The following NME1 variants were observed in gnomAD, a reference collection of about 807,000 sequenced individuals.
NME1 encodes nucleoside diphosphate kinase A.
A neutral mutation model predicts 17.2 loss-of-function variants in NME1; 9 were observed. The ratio of observed to expected loss-of-function variants is 0.52; its 90% CI spans 0.32 to 0.92. The LOEUF (loss-of-function observed/expected upper bound fraction) is 0.92, where lower values mean the gene tolerates loss of function less well. NME1 is among the 40% of genes least tolerant of loss of function. The pLI is 0.04. For missense variants in NME1, 169 were observed against 201.7 expected, an observed-to-expected ratio of 0.84 and a Z score of 0.98; for synonymous variants, 72 against 70.8, an observed-to-expected ratio of 1.02 and a Z score of -0.09.
chr17:51,156,124 A>AT lies in NME1; in HGVS notation c.126+351dup, dbSNP rs145046586. Reference sequence around the variant, plus strand: ...TTCCTGAGCAGATAATTTTAGAGAGATTTTTTTCCCCCTTTGAGACAGGTT... The same window carrying AT: ...TTCCTGAGCAGATAATTTTAGAGAGATTTTTTTTCCCCCTTTGAGACAGGTT... On this transcript the variant is annotated intron_variant, in intron 2 of 4. Coordinates refer to ENST00000393196, the MANE Select transcript of NME1 (RefSeq NM_000269.3). 1,918 of 331,350 alleles carry AT rather than the reference A, an allele frequency of 5.8e-3. 40 individuals are homozygous for AT. The highest frequency in any genetic ancestry group is 0.038 in the African/African-American group (1,787 of 46,518). 20.5% of individuals were successfully genotyped at this position (331,350 alleles called of 1,614,324 possible). A position where few individuals can be genotyped will look rare whatever the true frequency, so the allele number is the denominator to read the frequency against.
intron 1 of NME1, chr17:51,154,152 T>G: frequency 1.8e-6 from 1 of 547,862 alleles, no homozygotes; most frequent in South Asian, 2.1e-5. Flanking sequence ...GGGCTTTGTC[T>G]CTCTCTCTTT....
At chr17:51,156,076 T>A in intron 2 of NME1, 1 of 369,408 alleles carries the variant, frequency 2.7e-6, no homozygotes, top group Non-Finnish European at 5.2e-6. Flanking sequence ...GAGCTGAGCA[T>A]GTTTGAGTTC....
intron 2 of NME1, among the ~76,000 whole-genome samples, chr17:51,157,003 C>CAAA (rs36025797): frequency 7.1e-6 from 1 of 140,504 alleles, no homozygotes. Flanking sequence ...GACTCTGTCT[C>CAAA]AAAAAAAAAA....
chr17:51,160,329 G>A (rs1397071621), intron 3 of NME1: 1 of 572,426 alleles, frequency 1.7e-6, no homozygotes, highest in Non-Finnish European at 3.2e-6. Context: ...ATGACAAGAA[G>A]CAGCGATCTG....
In NME1 at chr17:51,159,962, C is replaced by T. The variant is rs773293682; in HGVS notation, c.127-18C>T. 6.2e-6 allele frequency: 10 copies of T among 1,613,706 alleles called. No individual in the cohort carries two copies. In the South Asian group the frequency reaches 1.1e-4, roughly 18 times the overall value. On this transcript the variant is annotated intron_variant, in intron 2 of 4. Transcript: ENST00000393196. ...AGATGGTTTGGGGGTTATTCTCATT[C>T]TCTGTCCTGTTGAATAGGCTTCCGA... is the stretch of plus-strand genomic sequence containing the variant.
At position 51,162,090 on chromosome 17, in the gene NME1, T is replaced by G; in HGVS notation, c.*245T>G. ...TGTTGCATTGCTTTTTTTTCCTTCT[T>G]TTCATGTACACTGAATAACCTGACC... On this transcript the variant is annotated 3_prime_UTR_variant, in exon 5 of 5. Transcript: ENST00000393196. The G allele has an allele frequency of 2.1e-6, 1 of 466,884 alleles. No homozygotes were observed. The highest frequency in any genetic ancestry group is 3.9e-6 in the Non-Finnish European group (1 of 254,054). 28.9% of individuals were successfully genotyped at this position (466,884 alleles called of 1,614,324 possible). A position where few individuals can be genotyped will look rare whatever the true frequency, so the allele number is the denominator to read the frequency against.
chr17:51,156,994 ACT>A (rs1427097450), intron 2 of NME1, among the ~76,000 whole-genome samples: 3 of 133,972 alleles, frequency 2.2e-5, no homozygotes, highest in East Asian at 2.1e-4. Context: ...AGGGAGGGAG[ACT>A]CTGTCTCAAA....
intron 2 of NME1, among the ~76,000 whole-genome samples, chr17:51,156,995 C>T (rs1463521286): frequency 1.5e-5 from 2 of 131,884 alleles, no homozygotes; most frequent in African/African-American, 5.5e-5. Flanking sequence ...GGGAGGGAGA[C>T]TCTGTCTCAA....
At chr17:51,154,506 G>C in intron 1 of NME1, 2 of 1,425,804 alleles carry the variant, frequency 1.4e-6, no homozygotes, top group Non-Finnish European at 2.0e-6. Context: ...TACTCTCTAG[G>C]CTTCCTTTCA....
chr17:51,158,826 T>G (rs2049824607), intron 2 of NME1, among the ~76,000 whole-genome samples: 4 of 152,256 alleles, frequency 2.6e-5, no homozygotes, highest in Admixed American at 1.3e-4. Context: ...GAGTTGAAAC[T>G]GCTAAGCAGA....
intron 4 of NME1, 90 bp downstream of exon 4, chr17:51,161,362 C>T: frequency 8.4e-7 from 1 of 1,194,982 alleles, no homozygotes; most frequent in South Asian, 1.3e-5. Flanking sequence ...AGACATGATA[C>T]CATATGCAGG....
In NME1 at chr17:51,161,773, G is replaced by T. The variant is rs1405443200; in HGVS notation, c.387G>T (p.Glu129Asp). 6.2e-7 allele frequency: 1 copy of T among 1,614,134 alleles called. No homozygotes were observed. Among genetic ancestry groups the T allele is most frequent in the Admixed American group, 1.7e-5 (1 of 60,028 alleles). ...GSDSVESAEK[E>D]IGLWFHPEEL... is the part of the protein sequence containing the mutation. ...ATTCTGTGGAGAGTGCAGAGAAGGA[G>T]ATCGGCTTGTGGTTTCACCCTGAGG... is the stretch of plus-strand genomic sequence containing the variant. The change falls in exon 5 of 5, where the codon GAG becomes GAT. Residue 129 changes from glutamate to aspartate, a missense_variant. Physicochemically the swap from Glu to Asp is conservative, Grantham distance 45 (BLOSUM62 2). Transcript: ENST00000393196.
Position 51,161,983 on chromosome 17 carries a change from C to T in NME1, c.*138C>T, listed in dbSNP as rs375620129. On this transcript the variant is annotated 3_prime_UTR_variant, in exon 5 of 5. Transcript: ENST00000393196. ...GAAGCTCTTGGAGCTGTGAGTTCTCCCTGTACAGTGTTACCATCCCCGACC... is the reference window on the plus strand; with the variant it reads ...GAAGCTCTTGGAGCTGTGAGTTCTCTCTGTACAGTGTTACCATCCCCGACC... 2.9e-6 allele frequency: 2 copies of T among 694,936 alleles called. No individual in the cohort carries two copies. Among genetic ancestry groups the T allele is most frequent in the African/African-American group, 1.7e-5 (1 of 57,380 alleles). 43.0% of individuals were successfully genotyped at this position (694,936 alleles called of 1,614,324 possible).
At chr17:51,158,448 A>G (rs924561809) in intron 2 of NME1, among the ~76,000 whole-genome samples, 4 of 152,210 alleles carry the variant, frequency 2.6e-5, no homozygotes, top group African/African-American at 9.7e-5. Context: ...AAAACAAACA[A>G]CAAAACCAAC....
At chr17:51,160,313 A>C in intron 3 of NME1, 1 of 614,908 alleles carries the variant, frequency 1.6e-6, no homozygotes, top group South Asian at 1.7e-5. Flanking sequence ...TTAAGCTGTG[A>C]TCTGAATGAC....
At chr17:51,158,218 T>C (rs2049814789) in intron 2 of NME1, among the ~76,000 whole-genome samples, 1 of 152,112 alleles carries the variant, frequency 6.6e-6, no homozygotes, top group South Asian at 2.1e-4. Flanking sequence ...AGGTGGAGGT[T>C]GCAGTGAGCG....
chr17:51,161,292 C>A lies in NME1; in HGVS notation c.341+20C>A. 6.3e-7 allele frequency: 1 copy of A among 1,580,436 alleles called. No homozygotes were observed. The highest frequency in any genetic ancestry group is 2.3e-5 in the East Asian group (1 of 43,648). ...TGGCAGGTGAGATTTTGGTATTTTTCCCCCTTTTCCAAAATCTGATTTAGT... is the reference window on the plus strand; with the variant it reads ...TGGCAGGTGAGATTTTGGTATTTTTACCCCTTTTCCAAAATCTGATTTAGT... On this transcript the variant is annotated intron_variant, in intron 4 of 4. Transcript: ENST00000393196.
chr17:51,154,757 G>C (rs922789290), intron 1 of NME1, among the ~76,000 whole-genome samples: 1 of 152,164 alleles, frequency 6.6e-6, no homozygotes, highest in African/African-American at 2.4e-5. Flanking sequence ...TATGGCTGTG[G>C]CATTAAGTCA....
intron 3 of NME1, chr17:51,160,749 ACAGGCGCC>A: frequency 2.9e-6 from 1 of 343,190 alleles, no homozygotes; most frequent in Non-Finnish European, 5.5e-6. Flanking sequence ...AGCTGGGACT[ACAGGCGCC>A]CGCCACCACG....
Sources: allele counts gnomAD v4.1 joint callset (sites outside exome capture counted in the v4.1 genomes callset), GRCh38; gene constraint gnomAD v4.1.1; transcripts MANE v1.5; gene names NCBI Gene and HGNC (gene_info 2026-07-23, HGNC 2026-07-21).